The following PTPN11 variants were observed in gnomAD, a reference collection of about 807,000 sequenced individuals.
PTPN11 encodes tyrosine-protein phosphatase non-receptor type 11.
A neutral mutation model predicts 78.8 loss-of-function variants in PTPN11; 6 were observed. The ratio of observed to expected loss-of-function variants is 0.08; its 90% CI spans 0.04 to 0.15. The LOEUF (loss-of-function observed/expected upper bound fraction) is 0.15, where lower values mean the gene tolerates loss of function less well. PTPN11 is among the 10% of genes least tolerant of loss of function. The probability of loss-of-function intolerance (pLI) is 1.00; values close to 1 mark genes in which losing one functional copy is unlikely to be tolerated. For synonymous variants in PTPN11, 221 were observed against 263.5 expected (o/e 0.84, Z 1.56); for missense variants, 386 against 744.8 (o/e 0.52, Z 5.61).
At chr12:112,441,078 C>T (rs2037882715) in intron 1 of PTPN11, among the ~76,000 whole-genome samples, 1 of 151,228 alleles carries the variant, frequency 6.6e-6, no homozygotes, top group African/African-American at 2.4e-5. Flanking sequence ...GATTCTTCTG[C>T]CTCAGCCTCC....
At chr12:112,426,343 GC>G (rs1428273964) in intron 1 of PTPN11, among the ~76,000 whole-genome samples, 1 of 151,872 alleles carries the variant, frequency 6.6e-6, no homozygotes, top group African/African-American at 2.4e-5. Flanking sequence ...TGCAACTTCT[GC>G]CCCCTTGATT....
intron 6 of PTPN11, among the ~76,000 whole-genome samples, chr12:112,459,855 A>G (rs1380559932): frequency 2.0e-5 from 3 of 152,092 alleles, no homozygotes; most frequent in East Asian, 3.9e-4. Flanking sequence ...ATCTAAAACT[A>G]TTAACAGTAT....
At chr12:112,486,901 T>G in intron 11 of PTPN11, 1 of 1,397,072 alleles carries the variant, frequency 7.2e-7, no homozygotes, top group South Asian at 1.6e-5. Context: ...CCAGAAGTTG[T>G]GCATTAAACA....
chr12:112,502,242 G>A lies in PTPN11; in HGVS notation c.1698G>A (p.Thr566=), dbSNP rs956806590. The A allele has an allele frequency of 2.5e-6, 4 of 1,612,444 alleles. No homozygotes were observed. The highest frequency in any genetic ancestry group is 3.4e-6 in the Non-Finnish European group (4 of 1,178,524). ...GCCCTCTCCCGCCTTGTACTCCAAC[G>A]CCACCCTGTGCAGAGTAAGTAGTGC... ...DQSPLPPCTP[T]PPCAEMREDS... Residue 566 remains threonine (T), a synonymous_variant, in exon 14 of 16, where the codon ACG becomes ACA. Transcript: ENST00000351677.
At position 112,456,040 on chromosome 12, in the gene PTPN11, C is replaced by G. The variant is rs2038155027; in HGVS notation, c.733C>G (p.Gln245Glu). Residue 245 changes from glutamine (Q) to glutamate (E), a missense_variant, in exon 6 of 16, where the codon CAA (glutamine) becomes GAA (glutamate). Gln to Glu is a conservative substitution (Grantham distance 29). Transcript: ENST00000351677. ...AGCTGAGACCACAGATAAAGTCAAA[C>G]AAGGCTTTTGGGAAGAATTTGAGGT... ...KLAETTDKVK[Q>E]GFWEEFETLQ... 6.2e-7 allele frequency: 1 copy of G among 1,608,954 alleles called. No homozygotes were observed. The highest frequency in any genetic ancestry group is 1.7e-5 in the Admixed American group (1 of 59,992).
In PTPN11 at chr12:112,506,107, G is replaced by A; in HGVS notation, c.*315G>A. On this transcript the variant is annotated 3_prime_UTR_variant, in exon 16 of 16. Transcript: ENST00000351677. ...GCAGTTAAATTGTGCGCTGTATTTTGCAGATTATGGGGATTCAAATTCTAG... is the reference window on the plus strand; with the variant it reads ...GCAGTTAAATTGTGCGCTGTATTTTACAGATTATGGGGATTCAAATTCTAG... 1 of 152,132 alleles carries A rather than the reference G, an allele frequency of 6.6e-6. No individual in the cohort carries two copies. Among genetic ancestry groups the A allele is most frequent in the Admixed American group, 6.5e-5 (1 of 15,274 alleles). The allele number at this position is 152,132 out of a possible 1,614,324, so 9.4% of individuals were successfully genotyped here.
intron 1 of PTPN11, among the ~76,000 whole-genome samples, chr12:112,424,996 G>A (rs1318275782): frequency 4.9e-5 from 7 of 143,774 alleles, no homozygotes; most frequent in African/African-American, 2.0e-4. Context: ...GTGTGTGTGT[G>A]TGTGTGTGTG....
At chr12:112,440,506 C>T (rs994122251) in intron 1 of PTPN11, among the ~76,000 whole-genome samples, 5 of 150,324 alleles carry the variant, frequency 3.3e-5, no homozygotes, top group Non-Finnish European at 7.4e-5. Context: ...CCTCGTGATC[C>T]GCCTGCCTCG....
At chr12:112,477,598 T>G (rs925837181) in intron 7 of PTPN11, 53 bp from the exon 8 acceptor site, 4 of 1,433,408 alleles carry the variant, frequency 2.8e-6, no homozygotes, top group Non-Finnish European at 3.9e-6. Context: ...TTTGAACTGT[T>G]TTTTCCTGAA....
chr12:112,438,948 T>C (rs1054338608), intron 1 of PTPN11, among the ~76,000 whole-genome samples: 2 of 152,230 alleles, frequency 1.3e-5, no homozygotes, highest in Non-Finnish European at 2.9e-5. Flanking sequence ...AATTCTATGT[T>C]GTTTTTGAAG....
intron 9 of PTPN11, among the ~76,000 whole-genome samples, chr12:112,481,845 A>C (rs920820980): frequency 1.3e-5 from 2 of 151,848 alleles, no homozygotes; most frequent in African/African-American, 4.8e-5. Context: ...TGCTTGGATC[A>C]GGTAACTGCA....
chr12:112,501,500 C>G (rs916563151), intron 13 of PTPN11, among the ~76,000 whole-genome samples: 1 of 152,096 alleles, frequency 6.6e-6, no homozygotes, highest in Non-Finnish European at 1.5e-5. Flanking sequence ...TGGTGGGCAC[C>G]TGTAATCCCA....
At position 112,502,215 on chromosome 12, in the gene PTPN11, G is replaced by A; in HGVS notation, c.1671G>A (p.Gln557=). The A allele has an allele frequency of 1.2e-6, 2 of 1,613,918 alleles. No homozygotes were observed. Among genetic ancestry groups the A allele is most frequent in the Non-Finnish European group, 1.7e-6 (2 of 1,179,830 alleles). ...YSLADQTSGD[Q]SPLPPCTPTP... Reference sequence around the variant, plus strand: ...TAGCGGACCAGACGAGTGGAGATCAGAGCCCTCTCCCGCCTTGTACTCCAA... The same window carrying A: ...TAGCGGACCAGACGAGTGGAGATCAAAGCCCTCTCCCGCCTTGTACTCCAA... Residue 557 remains glutamine, a synonymous_variant, in exon 14 of 16, where the codon CAG becomes CAA. Transcript: ENST00000351677.
chr12:112,425,019 TG>T (rs1270200120), intron 1 of PTPN11, among the ~76,000 whole-genome samples: 26 of 140,366 alleles, frequency 1.9e-4, no homozygotes, highest in Non-Finnish European at 2.2e-4. Flanking sequence ...TATGTAGAGA[TG>T]GGGTTTTGCC....
At chr12:112,478,716 G>A (rs562163825) in intron 9 of PTPN11, among the ~76,000 whole-genome samples, 2 of 152,110 alleles carry the variant, frequency 1.3e-5, no homozygotes, top group South Asian at 4.2e-4. Context: ...CCTTTTGAAT[G>A]TATGGAGTAT....
intron 1 of PTPN11, among the ~76,000 whole-genome samples, chr12:112,433,408 A>G (rs2037742436): frequency 6.6e-6 from 1 of 152,212 alleles, no homozygotes; most frequent in Admixed American, 6.5e-5. Context: ...AAATCGCCTA[A>G]TGATGCATTT....
chr12:112,461,248 C>T (rs1338781198), intron 6 of PTPN11, among the ~76,000 whole-genome samples: 2 of 151,826 alleles, frequency 1.3e-5, no homozygotes, highest in Non-Finnish European at 2.9e-5. Context: ...CATTCTTCTT[C>T]ATTTGTTAGG....
At chr12:112,423,761 T>TC (rs2037560901) in intron 1 of PTPN11, among the ~76,000 whole-genome samples, 1 of 150,340 alleles carries the variant, frequency 6.7e-6, no homozygotes, top group African/African-American at 2.5e-5. Flanking sequence ...TTTTTTTTTT[T>TC]TGAGACAGGG....
chr12:112,433,812 A>C (rs1186610948), intron 1 of PTPN11, among the ~76,000 whole-genome samples: 1 of 152,160 alleles, frequency 6.6e-6, no homozygotes, highest in Non-Finnish European at 1.5e-5. Flanking sequence ...ACAATTAGCC[A>C]GGTTTGGTAT....
Sources: gnomAD v4.1 joint callset for allele counts (sites outside exome capture counted in the v4.1 genomes callset) on GRCh38, gnomAD v4.1.1 for gene constraint, MANE v1.5 for transcripts, NCBI Gene and HGNC (gene_info 2026-07-23, HGNC 2026-07-21) for gene names.